ROBO1: variants seen among roughly 807,000 people sequenced by gnomAD.
ROBO1 encodes the protein roundabout homolog 1.
Under a neutral mutation model 195.9 loss-of-function variants are expected in ROBO1, and 149 were observed. The ratio of observed to expected loss-of-function variants is 0.76; its 90% CI spans 0.67 to 0.87. The LOEUF (loss-of-function observed/expected upper bound fraction) is 0.87. ROBO1 is among the 40% of genes least tolerant of loss of function. The pLI is 0.00. For synonymous variants in ROBO1, 816 were observed against 733.2 expected, an observed-to-expected ratio of 1.11 and a Z score of -1.82; for missense variants, 1,933 against 2,068.3, an observed-to-expected ratio of 0.93 and a Z score of 1.27.
At chr3:78,881,956 T>C (rs952591069) in intron 4 of ROBO1, among the ~76,000 whole-genome samples, 2 of 152,180 alleles carry the variant, frequency 1.3e-5, no homozygotes, top group Non-Finnish European at 2.9e-5. Flanking sequence ...GTTAGATGAA[T>C]AGTAATAAGT....
At chr3:79,090,776 C>T (rs1011841003) in intron 3 of ROBO1, among the ~76,000 whole-genome samples, 6 of 152,220 alleles carry the variant, frequency 3.9e-5, no homozygotes, top group African/African-American at 1.4e-4. Context: ...ATTGTAAGCA[C>T]TCAGTAAATG....
chr3:78,763,249 T>A (rs2083150121), intron 4 of ROBO1, among the ~76,000 whole-genome samples: 1 of 152,076 alleles, frequency 6.6e-6, no homozygotes, highest in African/African-American at 2.4e-5. Context: ...AACAACTAAA[T>A]TAATAATGCA....
intron 2 of ROBO1, among the ~76,000 whole-genome samples, chr3:79,172,162 A>G (rs2081179605): frequency 6.6e-6 from 1 of 152,162 alleles, no homozygotes. Context: ...AATCACTTTG[A>G]TGAATAAGAT....
chr3:78,752,160 CACAT>C (rs1246612555), intron 4 of ROBO1, among the ~76,000 whole-genome samples: 1 of 136,996 alleles, frequency 7.3e-6, no homozygotes. Flanking sequence ...AATTATTACT[CACAT>C]ACATAGTCAT....
chr3:79,333,039 T>C (rs1432129497), intron 2 of ROBO1, among the ~76,000 whole-genome samples: 4 of 151,864 alleles, frequency 2.6e-5, no homozygotes, highest in Non-Finnish European at 4.4e-5. Context: ...CCGTCTCTGC[T>C]GAAAATACAA....
chr3:79,688,904 C>G (rs1257140204), intron 1 of ROBO1, among the ~76,000 whole-genome samples: 2 of 151,944 alleles, frequency 1.3e-5, no homozygotes, highest in African/African-American at 4.8e-5. Flanking sequence ...CAAAAACTAA[C>G]CAAATTATCT....
At chr3:78,903,374 C>A (rs1169877381) in intron 4 of ROBO1, among the ~76,000 whole-genome samples, 1 of 151,772 alleles carries the variant, frequency 6.6e-6, no homozygotes, top group Non-Finnish European at 1.5e-5. Context: ...ACACCCATAC[C>A]CAACACCTGC....
chr3:79,372,612 T>C (rs867015930), intron 2 of ROBO1, among the ~76,000 whole-genome samples: 13 of 151,892 alleles, frequency 8.6e-5, no homozygotes, highest in African/African-American at 2.7e-4. Flanking sequence ...GAAAAATACA[T>C]ACACACACAA....
At chr3:79,616,696 T>C (rs890098821) in intron 1 of ROBO1, among the ~76,000 whole-genome samples, 11 of 152,000 alleles carry the variant, frequency 7.2e-5, no homozygotes, top group African/African-American at 2.7e-4. Context: ...GAAGAGAGGA[T>C]CTTCTCTCAC....
intron 4 of ROBO1, among the ~76,000 whole-genome samples, chr3:78,936,373 G>A (rs146204071): frequency 1.8e-4 from 27 of 152,004 alleles, no homozygotes; most frequent in Non-Finnish European, 2.7e-4. Context: ...GACACTTTTC[G>A]TTAATGTTTT....
At chr3:79,253,319 G>A (rs1200188295) in intron 2 of ROBO1, among the ~76,000 whole-genome samples, 1 of 152,020 alleles carries the variant, frequency 6.6e-6, no homozygotes, top group Non-Finnish European at 1.5e-5. Context: ...CAGCAGTTTG[G>A]GTATTAAGAG....
At chr3:78,984,582 T>C (rs1226923608) in intron 3 of ROBO1, among the ~76,000 whole-genome samples, 1 of 152,184 alleles carries the variant, frequency 6.6e-6, no homozygotes, top group Non-Finnish European at 1.5e-5. Context: ...TCTCTGCTCT[T>C]TTAGCTCTCA....
intron 4 of ROBO1, among the ~76,000 whole-genome samples, chr3:78,833,462 T>A (rs1415128778): frequency 6.6e-6 from 1 of 152,026 alleles, no homozygotes; most frequent in East Asian, 1.9e-4. Flanking sequence ...ATAAAACAAA[T>A]AACAATGAAA....
intron 2 of ROBO1, among the ~76,000 whole-genome samples, chr3:79,543,059 C>T (rs1942136237): frequency 6.6e-6 from 1 of 151,920 alleles, no homozygotes; most frequent in African/African-American, 2.4e-5. Context: ...GTGCATTTAT[C>T]TCATACAGTG....
chr3:79,752,744 T>C (rs1704189092), intron 1 of ROBO1, among the ~76,000 whole-genome samples: 1 of 151,202 alleles, frequency 6.6e-6, no homozygotes, highest in Admixed American at 6.6e-5. Flanking sequence ...AGGTAGGGAG[T>C]CCGCTACAAA....
chr3:79,477,102 G>T (rs964819569), intron 2 of ROBO1, among the ~76,000 whole-genome samples: 11 of 151,984 alleles, frequency 7.2e-5, no homozygotes, highest in Admixed American at 2.0e-4. Context: ...AAAAATCCGT[G>T]ATTTTGGTTG....
At chr3:79,433,992 C>T (rs188616026) in intron 2 of ROBO1, among the ~76,000 whole-genome samples, 4 of 152,250 alleles carry the variant, frequency 2.6e-5, no homozygotes. Context: ...ATAAATCGTG[C>T]TGGGAAAACT....
intron 4 of ROBO1, among the ~76,000 whole-genome samples, chr3:78,830,400 C>G (rs561022663): frequency 1.3e-5 from 2 of 152,136 alleles, no homozygotes; most frequent in Admixed American, 1.3e-4. Context: ...TCTGTTCTCA[C>G]GCTGCTAATA....
chr3:79,306,515 G>A (rs2033226760), intron 2 of ROBO1, among the ~76,000 whole-genome samples: 2 of 151,982 alleles, frequency 1.3e-5, no homozygotes. Flanking sequence ...CCGTTTTTTT[G>A]TTTTCTGTTT....
Sources: allele counts gnomAD v4.1 joint callset (sites outside exome capture counted in the v4.1 genomes callset), GRCh38; gene constraint gnomAD v4.1.1; transcripts MANE v1.5; gene names NCBI Gene and HGNC (gene_info 2026-07-23, HGNC 2026-07-21).